MED13L: variants seen among roughly 807,000 people sequenced by gnomAD.
MED13L encodes the protein mediator of RNA polymerase II transcription subunit 13-like.
MED13L carries 7 observed loss-of-function variants against 220.9 expected under a neutral mutation model. The observed-to-expected ratio is 0.03, with a 90% CI of 0.02 to 0.06. The LOEUF (loss-of-function observed/expected upper bound fraction) is 0.06, where lower values mean the gene tolerates loss of function less well. Ranked by LOEUF, MED13L falls within the 10% of genes least tolerant of loss-of-function variation. The probability of loss-of-function intolerance (pLI) is 1.00; values close to 1 mark genes in which losing one functional copy is unlikely to be tolerated. For synonymous variants in MED13L, 1,011 were observed against 1,015.2 expected, an observed-to-expected ratio of 1.00 and a Z score of 0.08; for missense variants, 1,965 against 2,760.5, an observed-to-expected ratio of 0.71 and a Z score of 6.46.
intron 4 of MED13L, among the ~76,000 whole-genome samples, chr12:116,083,197 A>C (rs1400968781): frequency 6.6e-6 from 1 of 152,120 alleles, no homozygotes; most frequent in Non-Finnish European, 1.5e-5. Context: ...ACTTGAGGCC[A>C]GGAGTTCGAG....
intron 1 of MED13L, among the ~76,000 whole-genome samples, chr12:116,265,013 A>G (rs1183686687): frequency 6.6e-6 from 1 of 152,164 alleles, no homozygotes; most frequent in Non-Finnish European, 1.5e-5. Flanking sequence ...GATAGAACTG[A>G]AAAGTGTCTG....
At chr12:116,151,589 A>G (rs1248417554) in intron 2 of MED13L, among the ~76,000 whole-genome samples, 4 of 152,256 alleles carry the variant, frequency 2.6e-5, no homozygotes, top group African/African-American at 9.6e-5. Context: ...CTGAGCAATA[A>G]GAAGTCACAT....
rs796599611 is a variant in MED13L at position 116,024,773 on chromosome 12, CGGGGG to C, written c.480-2177_480-2173del. Among the ~76,000 whole-genome samples, 65 of 5,102 alleles carry C rather than the reference CGGGGG, an allele frequency of 0.013. 8 individuals are homozygous for C. The East Asian group carries it at 0.22, about 17-fold the overall frequency. The allele number at this position is 5,102 out of a possible 152,430, so 3.3% of individuals were successfully genotyped here. A position where few individuals can be genotyped will look rare whatever the true frequency, so the allele number is the denominator to read the frequency against. Reference sequence around the variant, plus strand: ...AGTTTCATGCTTTTTTTTGGCGGGGCGGGGGGGGGGGGGAGGTGATCTTGTTTTTA... The same window carrying C: ...AGTTTCATGCTTTTTTTTGGCGGGGCGGGGGGGGAGGTGATCTTGTTTTTA... On this transcript the variant is annotated intron_variant, in intron 4 of 30. Coordinates refer to ENST00000281928, the MANE Select transcript of MED13L (RefSeq NM_015335.5).
chr12:116,136,295 G>A (rs557644628), intron 2 of MED13L, among the ~76,000 whole-genome samples: 86 of 152,286 alleles, frequency 5.6e-4, no homozygotes, highest in Admixed American at 4.9e-3. Flanking sequence ...ATGCAAATAA[G>A]TGTTTCTCAA....
rs764326067 is a variant in MED13L at position 116,237,709 on chromosome 12, G to C, written c.73-4C>G. Reference sequence around the variant, plus strand: ...ATTTGATTCCCGTGAGTTCAGCCTGGAAAAAGACAAAAAATTGTAATCGTT... The same window carrying C: ...ATTTGATTCCCGTGAGTTCAGCCTGCAAAAAGACAAAAAATTGTAATCGTT... On this transcript the variant is annotated splice_region_variant and splice_polypyrimidine_tract_variant and intron_variant, in intron 1 of 30. Coordinates refer to ENST00000281928, the MANE Select transcript of MED13L (RefSeq NM_015335.5). 13 of 1,612,556 alleles carry C rather than the reference G, an allele frequency of 8.1e-6. No homozygotes were observed. Among genetic ancestry groups the C allele is most frequent in the Non-Finnish European group, 1.0e-5 (12 of 1,178,798 alleles).
At chr12:116,258,924 T>G (rs1593220344) in intron 1 of MED13L, among the ~76,000 whole-genome samples, 2 of 151,642 alleles carry the variant, frequency 1.3e-5, no homozygotes, top group South Asian at 2.1e-4. Context: ...GAGGGTTTTT[T>G]TTTTTTTTTG....
chr12:116,139,627 T>A (rs1439024163), intron 2 of MED13L, among the ~76,000 whole-genome samples: 1 of 152,184 alleles, frequency 6.6e-6, no homozygotes, highest in Non-Finnish European at 1.5e-5. Flanking sequence ...AGAGAATATG[T>A]CGTTTATCTC....
intron 2 of MED13L, among the ~76,000 whole-genome samples, chr12:116,130,288 A>C (rs1485650031): frequency 1.3e-5 from 2 of 152,202 alleles, no homozygotes; most frequent in Non-Finnish European, 2.9e-5. Flanking sequence ...TTTTAAAAAT[A>C]AAACTCTCCA....
chr12:116,116,328 A>G lies in MED13L; in HGVS notation c.311-4816T>C, dbSNP rs141098019. 2.3e-3 allele frequency among the ~76,000 whole-genome samples: 350 copies of G among 152,264 alleles called. 1 individual carries two copies. Among genetic ancestry groups the G allele is most frequent in the African/African-American group, 8.1e-3 (337 of 41,552 alleles). On this transcript the variant is annotated intron_variant, in intron 2 of 30. Transcript: ENST00000281928. ...CAATGATTTAATGAATCAAACCTAC[A>G]TGATTATATAACGAAGCTTTCATAA...
At chr12:116,041,131 G>A (rs538847430) in intron 4 of MED13L, among the ~76,000 whole-genome samples, 17 of 152,136 alleles carry the variant, frequency 1.1e-4, no homozygotes, top group African/African-American at 3.4e-4. Flanking sequence ...ATCTCATCTC[G>A]AATTGTAATC....
intron 9 of MED13L, among the ~76,000 whole-genome samples, chr12:116,011,735 A>G (rs1291072402): frequency 6.6e-6 from 1 of 152,210 alleles, no homozygotes; most frequent in East Asian, 1.9e-4. Flanking sequence ...CTTCAAAAAC[A>G]TCCTCCCTGA....
intron 30 of MED13L, 106 bp downstream of exon 30, chr12:115,963,301 G>A (rs1034410731): frequency 3.2e-5 from 29 of 908,452 alleles, no homozygotes; most frequent in African/African-American, 1.8e-4. Flanking sequence ...CTGCACAAAC[G>A]GCAGCTTCTA....
At chr12:116,262,520 A>G (rs1267373623) in intron 1 of MED13L, among the ~76,000 whole-genome samples, 7 of 152,188 alleles carry the variant, frequency 4.6e-5, no homozygotes, top group Non-Finnish European at 2.9e-5. Context: ...GTTTGGCAAC[A>G]AAATCAAAGT....
At chr12:115,980,617 T>A in intron 23 of MED13L, 133 bp downstream of exon 23, 1 of 973,350 alleles carries the variant, frequency 1.0e-6, no homozygotes, top group Non-Finnish European at 1.6e-6. Context: ...AGCCAACACA[T>A]CCAGCCTAGC....
intron 2 of MED13L, among the ~76,000 whole-genome samples, chr12:116,149,662 G>A (rs987926745): frequency 4.6e-5 from 7 of 152,228 alleles, no homozygotes; most frequent in Non-Finnish European, 8.8e-5. Context: ...TTAAAGGGTG[G>A]GTAACATTTA....
At position 115,982,471 on chromosome 12, in the gene MED13L, C is replaced by G. The variant is rs939618163; in HGVS notation, c.5088G>C (p.Gly1696=). The G allele has an allele frequency of 1.9e-6, 3 of 1,613,996 alleles. No individual in the cohort carries two copies. The highest frequency in any genetic ancestry group is 2.7e-5 in the African/African-American group (2 of 74,908). ...TYAAEEDSTS[G]NFWLLSLMRC... ...GCATCAAGCTCAACAGCCAAAAGTT[C>G]CCAGAAGTGGAGTCCTCCTCTGCAG... Residue 1696 remains glycine, a synonymous_variant, in exon 22 of 31, where the codon GGG becomes GGC. Transcript: ENST00000281928.
At chr12:115,967,725 A>G (rs1876279044) in intron 28 of MED13L, among the ~76,000 whole-genome samples, 2 of 152,202 alleles carry the variant, frequency 1.3e-5, no homozygotes, top group African/African-American at 4.8e-5. Context: ...TCTTTAACAG[A>G]CTGTGGGGCA....
Position 116,011,160 on chromosome 12 carries a change from C to T in MED13L, c.1280+1637G>A, listed in dbSNP as rs113086891. Among the ~76,000 whole-genome samples, 8 of 152,236 alleles carry T rather than the reference C, an allele frequency of 5.3e-5. 3 individuals carry two copies. The highest frequency in any genetic ancestry group is 1.9e-4 in the African/African-American group (8 of 41,538). On this transcript the variant is annotated intron_variant, in intron 9 of 30. Coordinates refer to ENST00000281928, the MANE Select transcript of MED13L (RefSeq NM_015335.5). ...TTGGCCTCCCAAAGTGCTAGGATTA[C>T]AGGCGTGAGCCACTGCACCCAGCCT...
At chr12:116,036,264 C>G (rs779395841) in intron 4 of MED13L, among the ~76,000 whole-genome samples, 8 of 152,132 alleles carry the variant, frequency 5.3e-5, no homozygotes, top group Admixed American at 3.3e-4. Context: ...ATTTTTAAAG[C>G]TGAAAGAAGT....
Sources: gnomAD v4.1 joint callset for allele counts (sites outside exome capture counted in the v4.1 genomes callset) on GRCh38, gnomAD v4.1.1 for gene constraint, MANE v1.5 for transcripts, NCBI Gene and HGNC (gene_info 2026-07-23, HGNC 2026-07-21) for gene names.